NUP88: variants seen among roughly 807,000 people sequenced by gnomAD.
The protein encoded by NUP88 is nuclear pore complex protein Nup88.
NUP88 carries 57 observed loss-of-function variants against 93.9 expected under a neutral mutation model. The ratio of observed to expected loss-of-function variants is 0.61; its 90% CI spans 0.49 to 0.76. NUP88 has a LOEUF of 0.76. Ranked by LOEUF, NUP88 falls within the 30% of genes least tolerant of loss-of-function variation. The pLI is 0.00. For missense variants in NUP88, 911 were observed against 901.0 expected (o/e 1.01, Z -0.14); for synonymous variants, 346 against 336.8 (o/e 1.03, Z -0.30).
At chr17:5,411,249 A>T (rs1913823118) in intron 3 of NUP88, among the ~76,000 whole-genome samples, 1 of 152,082 alleles carries the variant, frequency 6.6e-6, no homozygotes, top group African/African-American at 2.4e-5. Context: ...CTGCAAATCT[A>T]CTTATGTGTT....
intron 3 of NUP88, among the ~76,000 whole-genome samples, chr17:5,413,007 A>G (rs920594683): frequency 6.6e-6 from 1 of 152,250 alleles, no homozygotes; most frequent in African/African-American, 2.4e-5. Context: ...CATAGTTGTG[A>G]AAGATTTGAG....
chr17:5,391,465 CA>C, intron 10 of NUP88, 95 bp downstream of exon 10: 1 of 914,554 alleles, frequency 1.1e-6, no homozygotes, highest in Non-Finnish European at 1.8e-6. Flanking sequence ...ATAAACCACA[CA>C]TGTATAGCTT....
Position 5,388,783 on chromosome 17 carries a change from T to G in NUP88, c.1643+19A>C. 5 of 1,603,828 alleles carry G rather than the reference T, an allele frequency of 3.1e-6. No individual in the cohort carries two copies. In the Admixed American group the frequency reaches 8.6e-5, roughly 28 times the overall value. On this transcript the variant is annotated intron_variant, in intron 11 of 16. Transcript: ENST00000573584. The stretch of plus-strand genomic sequence containing the variant: ...GAAGAGAACCCATTCATAAAACCGC[T>G]ATGCCCAAGGTTGCATACTTCAAAA...
chr17:5,384,920 C>T lies in NUP88; in HGVS notation c.*1286G>A, dbSNP rs146046492. 80 of 224,104 alleles carry T rather than the reference C, an allele frequency of 3.6e-4. No individual in the cohort carries two copies. In the East Asian group the frequency reaches 4.5e-3, roughly 13 times the overall value. The allele number at this position is 224,104 out of a possible 1,614,324, so 13.9% of individuals were successfully genotyped here. A position where few individuals can be genotyped will look rare whatever the true frequency, so the allele number is the denominator to read the frequency against. On this transcript the variant is annotated 3_prime_UTR_variant, in exon 17 of 17. Coordinates refer to ENST00000573584, the MANE Select transcript of NUP88 (RefSeq NM_002532.6). Reference sequence around the variant, plus strand: ...ACTAGTCCCTTGGATAAGCCCCAAGCGAATTTGTCTTCAGATTATTAAAAT... The same window carrying T: ...ACTAGTCCCTTGGATAAGCCCCAAGTGAATTTGTCTTCAGATTATTAAAAT...
At chr17:5,418,741 G>A (rs1914367222) in intron 1 of NUP88, among the ~76,000 whole-genome samples, 2 of 152,168 alleles carry the variant, frequency 1.3e-5, no homozygotes, top group Non-Finnish European at 2.9e-5. Context: ...ATCTTTAAGA[G>A]AATCTGTGTA....
At chr17:5,416,997 GT>G (rs78233364) in intron 1 of NUP88, among the ~76,000 whole-genome samples, 66,114 of 151,416 alleles carry the variant, frequency 0.44, 15,197 homozygotes, top group East Asian at 0.84. Context: ...AATTAAAAAG[GT>G]TTTTTTTGTA....
At position 5,391,578 on chromosome 17, in the gene NUP88, G is replaced by C; in HGVS notation, c.1467C>G (p.Cys489Trp). The change falls in exon 10 of 17, where the codon TGC becomes TGG. Residue 489 changes from cysteine to tryptophan, a missense_variant. Cys to Trp is a radical substitution (Grantham distance 215, BLOSUM62 -2). Transcript: ENST00000573584. ...TMICITSTYECLIWPLLSTVH... is the reference protein window; with the variant it reads ...TMICITSTYEWLIWPLLSTVH... Reference sequence around the variant, plus strand: ...GGACGTACAATAACGGCCATATGAGGCATTCATAGGTACTGGTGATGCAGA... The same window carrying C: ...GGACGTACAATAACGGCCATATGAGCCATTCATAGGTACTGGTGATGCAGA... 1 of 1,612,698 alleles carries C rather than the reference G, an allele frequency of 6.2e-7. No individual in the cohort carries two copies. The highest frequency in any genetic ancestry group is 8.5e-7 in the Non-Finnish European group (1 of 1,178,680).
At chr17:5,390,090 G>A (rs1473758095) in intron 10 of NUP88, among the ~76,000 whole-genome samples, 9 of 150,178 alleles carry the variant, frequency 6.0e-5, no homozygotes, top group Non-Finnish European at 8.9e-5. Flanking sequence ...ACTTGAACCC[G>A]GGAGGCAGAG....
chr17:5,401,326 T>G (rs1389435861), intron 7 of NUP88, among the ~76,000 whole-genome samples: 1 of 151,930 alleles, frequency 6.6e-6, no homozygotes, highest in East Asian at 1.9e-4. Flanking sequence ...GAGGTTGCGG[T>G]GAGCCGAGTT....
chr17:5,419,372 G>T lies in NUP88; in HGVS notation c.279C>A (p.Pro93=), dbSNP rs1914444991. ...GCATTACCTGGTACTGGGACAGGGC[G>T]GGCTCTTCGCCGCCGCCGCTGGGGC... The part of the protein sequence containing the change: ...LRGPSGGGEE[P]ALSQYQRLLC... The change falls in exon 1 of 17, where the codon CCC becomes CCA. Residue 93 remains proline (P), a synonymous_variant. Transcript: ENST00000573584. The T allele has an allele frequency of 2.5e-6, 4 of 1,600,530 alleles. No individual in the cohort carries two copies. The highest frequency in any genetic ancestry group is 3.4e-6 in the Non-Finnish European group (4 of 1,174,102).
At position 5,404,097 on chromosome 17, in the gene NUP88, A is replaced by C. The variant is rs1913336983; in HGVS notation, c.1192+2T>G. 5 of 1,613,810 alleles carry C rather than the reference A, an allele frequency of 3.1e-6. No homozygotes were observed. The highest frequency in any genetic ancestry group is 4.2e-6 in the Non-Finnish European group (5 of 1,179,764). The stretch of plus-strand genomic sequence containing the variant: ...AAGCACTACATTTATTGAAGAGCTT[A>C]CCTCTATGAAGTTTGACTGGACAAG... On this transcript the variant is annotated splice_donor_variant, in intron 7 of 16. Transcript: ENST00000573584. LOFTEE classifies it high-confidence loss of function.
intron 7 of NUP88, among the ~76,000 whole-genome samples, chr17:5,400,803 T>C (rs1337831799): frequency 6.6e-6 from 1 of 152,152 alleles, no homozygotes; most frequent in East Asian, 1.9e-4. Flanking sequence ...AGGTGTGAAA[T>C]GAGAAGTGAA....
intron 1 of NUP88, among the ~76,000 whole-genome samples, chr17:5,416,979 T>G (rs1230307265): frequency 7.0e-6 from 1 of 143,700 alleles, no homozygotes; most frequent in Non-Finnish European, 1.5e-5. Context: ...GCACCATCAC[T>G]CCCAGCTAAT....
rs1912303371 is a variant in NUP88 at position 5,389,920 on chromosome 17, C to T, written c.1485-960G>A. 3.9e-5 allele frequency among the ~76,000 whole-genome samples: 6 copies of T among 152,100 alleles called. No individual in the cohort carries two copies. The South Asian group carries it at 1.2e-3, about 32-fold the overall frequency. On this transcript the variant is annotated intron_variant, in intron 10 of 16. Coordinates refer to ENST00000573584, the MANE Select transcript of NUP88 (RefSeq NM_002532.6). ...GTGGCTCATGCCTGTAATCCCAGCA[C>T]TTTGGGAGGCCGAGGTGGGTGGATC...
chr17:5,404,345 G>C (rs1441825916), intron 6 of NUP88, 99 bp from the exon 7 acceptor site: 2 of 1,222,640 alleles, frequency 1.6e-6, no homozygotes, highest in African/African-American at 3.0e-5. Context: ...GGGTGCGGCT[G>C]TTCTTGCCTG....
chr17:5,387,059 A>G lies in NUP88; in HGVS notation c.1968T>C (p.Asp656=), dbSNP rs1225321451. 1 of 1,614,066 alleles carries G rather than the reference A, an allele frequency of 6.2e-7. No homozygotes were observed. Among genetic ancestry groups the G allele is most frequent in the South Asian group, 1.1e-5 (1 of 91,074 alleles). ...SFHSELPVLS[D]SERDMKKELQ... ...ATTCTTTCTTCATGTCTCGCTCACT[A>G]TCAGAGAGAACTGGGAGCTCAGAGT... The change falls in exon 15 of 17, where the codon GAT becomes GAC. Residue 656 remains aspartate, a synonymous_variant. Transcript: ENST00000573584.
intron 3 of NUP88, among the ~76,000 whole-genome samples, chr17:5,413,481 G>A (rs1282553700): frequency 6.6e-6 from 1 of 152,146 alleles, no homozygotes; most frequent in South Asian, 2.1e-4. Context: ...ACATAAGGCC[G>A]ATCCAGAAAG....
Position 5,385,903 on chromosome 17 carries a change from ATAAC to A in NUP88, c.*299_*302del, listed in dbSNP as rs71921586. ...CTACTTTAAAACACAGCTCACAAGAATAACTAACTTGCTCAAATATGGAGAAAAC... is the reference window on the plus strand; with the variant it reads ...CTACTTTAAAACACAGCTCACAAGAATAACTTGCTCAAATATGGAGAAAAC... On this transcript the variant is annotated 3_prime_UTR_variant, in exon 17 of 17. Coordinates refer to ENST00000573584, the MANE Select transcript of NUP88 (RefSeq NM_002532.6). The A allele has an allele frequency of 0.44, 143,410 of 328,424 alleles. 33,785 individuals carry two copies. Among genetic ancestry groups the A allele is most frequent in the East Asian group, 0.84 (18,136 of 21,664 alleles). The allele number at this position is 328,424 out of a possible 1,614,324, so 20.3% of individuals were successfully genotyped here. A position where few individuals can be genotyped will look rare whatever the true frequency, so the allele number is the denominator to read the frequency against.
At chr17:5,402,405 G>A (rs1182039280) in intron 7 of NUP88, among the ~76,000 whole-genome samples, 2 of 152,134 alleles carry the variant, frequency 1.3e-5, no homozygotes, top group Non-Finnish European at 1.5e-5. Context: ...GTATCTATAT[G>A]AGGAAACCAA....
Sources: allele counts gnomAD v4.1 joint callset (sites outside exome capture counted in the v4.1 genomes callset), GRCh38; gene constraint gnomAD v4.1.1; transcripts MANE v1.5; gene names NCBI Gene and HGNC (gene_info 2026-07-23, HGNC 2026-07-21).